The following DCDC1 variants were observed in gnomAD, a reference collection of about 807,000 sequenced individuals.
DCDC1 encodes doublecortin domain containing 1, also known as doublecortin domain-containing protein 1.
DCDC1 carries 200 observed loss-of-function variants against 178.3 expected under a neutral mutation model. The ratio of observed to expected loss-of-function variants is 1.12; its 90% CI spans 1.00 to 1.26. The LOEUF is 1.26. DCDC1 is among the 50% of genes most tolerant of loss of function. The pLI, the probability that DCDC1 is intolerant of heterozygous loss-of-function variation, is 0.00. For missense variants in DCDC1, 1,983 were observed against 1,749.2 expected (o/e 1.13, Z -2.38); for synonymous variants, 690 against 604.8 (o/e 1.14, Z -2.07).
At chr11:31,041,480 C>T (rs891609090) in intron 20 of DCDC1, among the ~76,000 whole-genome samples, 14 of 152,072 alleles carry the variant, frequency 9.2e-5, no homozygotes, top group Non-Finnish European at 1.9e-4. Flanking sequence ...ACATCACAGC[C>T]CAATAAGGCT....
At chr11:31,224,205 G>A (rs865790715) in intron 9 of DCDC1, among the ~76,000 whole-genome samples, 121 of 151,878 alleles carry the variant, frequency 8.0e-4, no homozygotes, top group African/African-American at 2.9e-3. Context: ...TTTATCAGCA[G>A]CACAAAAACA....
At chr11:30,931,683 T>G (rs1946930594) in intron 22 of DCDC1, 88 bp downstream of exon 22, 2 of 1,337,942 alleles carry the variant, frequency 1.5e-6, no homozygotes, top group Admixed American at 2.8e-5. Flanking sequence ...AAATACAGAA[T>G]TCCCACAGAA....
intron 9 of DCDC1, among the ~76,000 whole-genome samples, chr11:31,153,391 C>T (rs1463054567): frequency 2.6e-5 from 4 of 152,180 alleles, no homozygotes; most frequent in Non-Finnish European, 5.9e-5. Flanking sequence ...AAACCCCCAT[C>T]GCATTATCAA....
chr11:31,153,818 A>ACACACACAC (rs61493499), intron 9 of DCDC1, among the ~76,000 whole-genome samples: 2 of 143,392 alleles, frequency 1.4e-5, no homozygotes, highest in African/African-American at 2.9e-5. Flanking sequence ...ACACACACAC[A>ACACACACAC]ATTACCATAA....
chr11:31,177,248 CT>C (rs1968168129), intron 9 of DCDC1, among the ~76,000 whole-genome samples: 1 of 151,876 alleles, frequency 6.6e-6, no homozygotes, highest in South Asian at 2.1e-4. Flanking sequence ...CTATAAAACT[CT>C]TTATGTTAGC....
chr11:30,955,565 C>CTG (rs1948723551), intron 20 of DCDC1, among the ~76,000 whole-genome samples: 1 of 152,184 alleles, frequency 6.6e-6, no homozygotes, highest in African/African-American at 2.4e-5. Context: ...AATAACTACA[C>CTG]CACTTTCAAA....
chr11:31,081,046 C>T (rs1217165944), intron 17 of DCDC1, among the ~76,000 whole-genome samples: 1 of 152,100 alleles, frequency 6.6e-6, no homozygotes, highest in Non-Finnish European at 1.5e-5. Flanking sequence ...AAAACTAATA[C>T]AACAGAAAAG....
At chr11:30,967,422 C>G (rs1002267106) in intron 20 of DCDC1, among the ~76,000 whole-genome samples, 2 of 152,098 alleles carry the variant, frequency 1.3e-5, no homozygotes, top group Non-Finnish European at 2.9e-5. Flanking sequence ...CGTCTCAGCC[C>G]AAAATCTCCT....
chr11:31,296,950 G>T (rs568025341), intron 6 of DCDC1, among the ~76,000 whole-genome samples: 1 of 152,156 alleles, frequency 6.6e-6, no homozygotes, highest in African/African-American at 2.4e-5. Context: ...TGAGATTTCC[G>T]TGGGGACACA....
At chr11:31,222,058 G>GT (rs749972033) in intron 9 of DCDC1, among the ~76,000 whole-genome samples, 1 of 151,728 alleles carries the variant, frequency 6.6e-6, no homozygotes, top group Non-Finnish European at 1.5e-5. Context: ...TTTTTGTTTT[G>GT]TTTTTTGTTT....
chr11:31,305,858 G>GCT, intron 5 of DCDC1, 81 bp from the exon 6 acceptor site: 1 of 1,469,396 alleles, frequency 6.8e-7, no homozygotes, highest in Non-Finnish European at 9.1e-7. Context: ...AGGTTCTAAT[G>GCT]ATCAAAATAG....
chr11:30,931,335 A>G (rs1316740758), intron 22 of DCDC1, among the ~76,000 whole-genome samples: 1 of 152,108 alleles, frequency 6.6e-6, no homozygotes, highest in Non-Finnish European at 1.5e-5. Flanking sequence ...ATAAAGTTAT[A>G]CTTTTGAGAA....
At chr11:31,067,136 C>T (rs1180065163) in intron 18 of DCDC1, among the ~76,000 whole-genome samples, 4 of 151,830 alleles carry the variant, frequency 2.6e-5, no homozygotes, top group Non-Finnish European at 2.9e-5. Context: ...GCAAACAATG[C>T]CATGAAGAAA....
intron 38 of DCDC1, among the ~76,000 whole-genome samples, chr11:30,871,622 T>G (rs1941573770): frequency 6.6e-6 from 1 of 152,292 alleles, no homozygotes; most frequent in African/African-American, 2.4e-5. Context: ...GCTTGATATA[T>G]ATATCAAGCA....
At chr11:31,115,109 A>G (rs1252358235) in intron 11 of DCDC1, among the ~76,000 whole-genome samples, 1 of 152,198 alleles carries the variant, frequency 6.6e-6, no homozygotes, top group East Asian at 1.9e-4. Context: ...AAAAATGTCA[A>G]CGAAGTACTA....
At chr11:31,283,226 C>T (rs1946573729) in intron 7 of DCDC1, among the ~76,000 whole-genome samples, 1 of 152,150 alleles carries the variant, frequency 6.6e-6, no homozygotes, top group East Asian at 1.9e-4. Context: ...GATATCATCC[C>T]ACAAGTTAAT....
intron 9 of DCDC1, among the ~76,000 whole-genome samples, chr11:31,185,927 G>A (rs892709653): frequency 6.6e-6 from 1 of 152,132 alleles, no homozygotes; most frequent in African/African-American, 2.4e-5. Context: ...AACATGTTAA[G>A]CCAAAATACA....
intron 21 of DCDC1, among the ~76,000 whole-genome samples, chr11:30,939,928 T>G (rs1001833673): frequency 6.6e-6 from 1 of 152,228 alleles, no homozygotes; most frequent in African/African-American, 2.4e-5. Flanking sequence ...GACTACTGAT[T>G]CTATTTTTTC....
chr11:31,264,934 T>C (rs1945043237), intron 8 of DCDC1, among the ~76,000 whole-genome samples: 1 of 152,178 alleles, frequency 6.6e-6, no homozygotes. Context: ...TATGAGCACC[T>C]ATACCATGAA....
Sources: allele counts gnomAD v4.1 joint callset (sites outside exome capture counted in the v4.1 genomes callset), GRCh38; gene constraint gnomAD v4.1.1; transcripts MANE v1.5; gene names NCBI Gene and HGNC (gene_info 2026-07-23, HGNC 2026-07-21).